LRRTM4: variants seen among roughly 807,000 people sequenced by gnomAD.
LRRTM4 encodes leucine rich repeat transmembrane neuronal 4.
LRRTM4 carries 25 observed loss-of-function variants against 47.6 expected under a neutral mutation model. The ratio of observed to expected loss-of-function variants is 0.53; its 90% confidence interval spans 0.38 to 0.73. The LOEUF is 0.73. Ranked by LOEUF, LRRTM4 falls within the 30% of genes least tolerant of loss-of-function variation. The pLI, the probability that LRRTM4 is intolerant of heterozygous loss-of-function variation, is 0.00. For synonymous variants in LRRTM4, 311 were observed against 269.5 expected, an observed-to-expected ratio of 1.15 and a Z score of -1.51; for missense variants, 638 against 713.4, an observed-to-expected ratio of 0.89 and a Z score of 1.20.
At chr2:77,152,052 A>G (rs1025022748) in intron 3 of LRRTM4, among the ~76,000 whole-genome samples, 2 of 152,222 alleles carry the variant, frequency 1.3e-5, no homozygotes, top group African/African-American at 4.8e-5. Context: ...AGTTAGATGT[A>G]GCTCAGGTTT....
chr2:77,271,223 A>C (rs1449914413), intron 3 of LRRTM4, among the ~76,000 whole-genome samples: 1 of 152,174 alleles, frequency 6.6e-6, no homozygotes, highest in Non-Finnish European at 1.5e-5. Context: ...GAATATGGGT[A>C]CCCAGAAAAG....
intron 3 of LRRTM4, among the ~76,000 whole-genome samples, chr2:76,946,062 T>C (rs370476349): frequency 5.9e-5 from 9 of 151,936 alleles, no homozygotes; most frequent in Non-Finnish European, 1.3e-4. Context: ...TTCATACACA[T>C]AGGCACATTA....
intron 3 of LRRTM4, among the ~76,000 whole-genome samples, chr2:77,390,718 A>G (rs1189346130): frequency 6.6e-6 from 1 of 151,632 alleles, no homozygotes; most frequent in Non-Finnish European, 1.5e-5. Flanking sequence ...ATTAAAATTG[A>G]GAGGCCAAAA....
In LRRTM4 at chr2:76,748,716, G is replaced by A; in HGVS notation, c.1752C>T (p.Tyr584=). The stretch of plus-strand genomic sequence containing the variant: ...AGCGTTAGTTTGCAATTCTCTCTAG[G>A]TAGATGGCCGGTGCTGCCGACCTGG... The part of the protein sequence containing the change: ...TIARSAAPAI[Y]LERIAN Residue 584 remains tyrosine (Y), a synonymous_variant, in exon 4 of 4, where the codon TAC becomes TAT. Coordinates refer to ENST00000409884, the MANE Select transcript of LRRTM4 (RefSeq NM_001134745.3). 6.2e-7 allele frequency: 1 copy of A among 1,613,596 alleles called. No homozygotes were observed. Among genetic ancestry groups the A allele is most frequent in the Non-Finnish European group, 8.5e-7 (1 of 1,179,858 alleles).
At chr2:76,841,043 A>G (rs998323047) in intron 3 of LRRTM4, among the ~76,000 whole-genome samples, 1 of 148,898 alleles carries the variant, frequency 6.7e-6, no homozygotes, top group Admixed American at 6.7e-5. Flanking sequence ...CAACAATGAT[A>G]GACTGGATTA....
At chr2:76,782,613 C>G (rs1348740353) in intron 3 of LRRTM4, among the ~76,000 whole-genome samples, 1 of 152,150 alleles carries the variant, frequency 6.6e-6, no homozygotes, top group Non-Finnish European at 1.5e-5. Flanking sequence ...TTTTAAACTG[C>G]AAATGATGCC....
At chr2:77,005,133 A>G (rs917412736) in intron 3 of LRRTM4, among the ~76,000 whole-genome samples, 1 of 151,718 alleles carries the variant, frequency 6.6e-6, no homozygotes, top group Non-Finnish European at 1.5e-5. Flanking sequence ...GTTGGAAGGC[A>G]TGATTGTTTT....
chr2:77,129,937 A>G (rs1468120850), intron 3 of LRRTM4, among the ~76,000 whole-genome samples: 1 of 152,146 alleles, frequency 6.6e-6, no homozygotes, highest in African/African-American at 2.4e-5. Flanking sequence ...TGAGAGAGTG[A>G]CGTGCCTAAA....
At chr2:77,516,375 T>G (rs1431974938) in intron 3 of LRRTM4, among the ~76,000 whole-genome samples, 1 of 151,852 alleles carries the variant, frequency 6.6e-6, no homozygotes, top group Non-Finnish European at 1.5e-5. Context: ...CTGTGAAATT[T>G]AAGATCTCTG....
At chr2:77,088,669 G>A (rs987788165) in intron 3 of LRRTM4, among the ~76,000 whole-genome samples, 4 of 152,106 alleles carry the variant, frequency 2.6e-5, no homozygotes, top group African/African-American at 9.7e-5. Context: ...ACACGGACGC[G>A]CATGAAATTT....
intron 3 of LRRTM4, among the ~76,000 whole-genome samples, chr2:77,328,074 C>A (rs182178813): frequency 2.0e-5 from 3 of 152,254 alleles, no homozygotes; most frequent in Admixed American, 2.0e-4. Flanking sequence ...AGAGACATGG[C>A]ATTGCATTTC....
chr2:77,483,992 C>T (rs1677816299), intron 3 of LRRTM4, among the ~76,000 whole-genome samples: 1 of 152,194 alleles, frequency 6.6e-6, no homozygotes, highest in Non-Finnish European at 1.5e-5. Context: ...TCACCAGTAA[C>T]TCAGTCTTAC....
At chr2:76,875,677 A>T (rs1672758193) in intron 3 of LRRTM4, among the ~76,000 whole-genome samples, 1 of 152,158 alleles carries the variant, frequency 6.6e-6, no homozygotes, top group African/African-American at 2.4e-5. Context: ...ATTTTCTAGA[A>T]CTATCTTAAT....
chr2:77,051,029 A>T (rs78944268), intron 3 of LRRTM4, among the ~76,000 whole-genome samples: 4,552 of 144,232 alleles, frequency 0.032, 82 homozygotes, highest in Middle Eastern at 0.043. Flanking sequence ...TTTTTTTTTT[A>T]AAATAGATAA....
intron 3 of LRRTM4, among the ~76,000 whole-genome samples, chr2:77,071,919 A>C (rs1041884120): frequency 6.6e-6 from 1 of 152,152 alleles, no homozygotes; most frequent in East Asian, 1.9e-4. Flanking sequence ...CTCAGGCCAC[A>C]TCGGGCTAGT....
At chr2:77,389,461 G>A (rs1673416249) in intron 3 of LRRTM4, among the ~76,000 whole-genome samples, 1 of 152,082 alleles carries the variant, frequency 6.6e-6, no homozygotes, top group Admixed American at 6.6e-5. Flanking sequence ...ACTAGTAGGT[G>A]AGTAACTTCA....
At chr2:76,889,700 C>T (rs1466500439) in intron 3 of LRRTM4, among the ~76,000 whole-genome samples, 3 of 151,900 alleles carry the variant, frequency 2.0e-5, no homozygotes, top group African/African-American at 7.2e-5. Flanking sequence ...TGAGCAGTGG[C>T]CCTGCCAAAT....
rs540419387 is a variant in LRRTM4, at chr2:76,811,770, A to T, written c.1552-62854T>A. ...AACAAAGTCATCTCATTTTTATTTT[A>T]CCTGTCCTGAACAACAGAAGGCAGC... On this transcript the variant is annotated intron_variant, in intron 3 of 3. Coordinates refer to ENST00000409884, the MANE Select transcript of LRRTM4 (RefSeq NM_001134745.3). 2.0e-5 allele frequency among the ~76,000 whole-genome samples: 3 copies of T among 152,048 alleles called. No individual in the cohort carries two copies. In the South Asian group the frequency reaches 6.2e-4, roughly 32 times the overall value.
Position 77,172,734 on chromosome 2 carries a change from T to G in LRRTM4, c.1551+345584A>C, listed in dbSNP as rs17038079. Among the ~76,000 whole-genome samples, 1,412 of 152,318 alleles carry G rather than the reference T, an allele frequency of 9.3e-3. 17 individuals carry two copies. The highest frequency in any genetic ancestry group is 0.032 in the African/African-American group (1,314 of 41,574). Reference sequence around the variant, plus strand: ...CAAAAAAACGCATAGACGGAAATTCTCAGAAATGATCTCTGCGTGACAAAT... The same window carrying G: ...CAAAAAAACGCATAGACGGAAATTCGCAGAAATGATCTCTGCGTGACAAAT... On this transcript the variant is annotated intron_variant, in intron 3 of 3. Transcript: ENST00000409884.
Sources: gnomAD v4.1 joint callset for allele counts (sites outside exome capture counted in the v4.1 genomes callset) on GRCh38, gnomAD v4.1.1 for gene constraint, MANE v1.5 for transcripts, NCBI Gene and HGNC (gene_info 2026-07-23, HGNC 2026-07-21) for gene names.